SBF2: variants seen among roughly 807,000 people sequenced by gnomAD.
The protein encoded by SBF2 is SET binding factor 2.
In SBF2, 112 loss-of-function variants were observed where a neutral mutation model predicts 225.2. The observed-to-expected ratio is 0.50, with a 90% CI of 0.43 to 0.58. SBF2 has a LOEUF of 0.58. Among genes scored for constraint, SBF2 ranks in the 20% least tolerant of loss-of-function variants. The probability of loss-of-function intolerance (pLI) is 0.00; values close to 1 mark genes in which losing one functional copy is unlikely to be tolerated. For synonymous variants in SBF2, 763 were observed against 773.3 expected, an observed-to-expected ratio of 0.99 and a Z score of 0.22; for missense variants, 1,996 against 2,206.2, an observed-to-expected ratio of 0.90 and a Z score of 1.91.
chr11:10,299,264 G>A (rs1186037014), intron 1 of SBF2, among the ~76,000 whole-genome samples: 3 of 151,224 alleles, frequency 2.0e-5, no homozygotes, highest in African/African-American at 7.3e-5. Flanking sequence ...CGTGAACCCA[G>A]GAGGCAGAGC....
chr11:10,065,420 C>G (rs1057082963), intron 2 of SBF2, among the ~76,000 whole-genome samples: 1 of 151,476 alleles, frequency 6.6e-6, no homozygotes, highest in African/African-American at 2.4e-5. Flanking sequence ...AAACAGAAAT[C>G]AATAAAATAA....
intron 2 of SBF2, among the ~76,000 whole-genome samples, chr11:10,076,098 T>C (rs1320075421): frequency 6.6e-6 from 1 of 152,190 alleles, no homozygotes; most frequent in Non-Finnish European, 1.5e-5. Flanking sequence ...TGTGGATCTG[T>C]GGTGGAAAAC....
chr11:10,217,510 T>G (rs1050750856), intron 1 of SBF2, among the ~76,000 whole-genome samples: 2 of 152,210 alleles, frequency 1.3e-5, no homozygotes, highest in Admixed American at 1.3e-4. Flanking sequence ...ATTACATACT[T>G]AAGACAATAA....
intron 2 of SBF2, among the ~76,000 whole-genome samples, chr11:10,097,544 G>A (rs1952078617): frequency 6.6e-6 from 1 of 152,030 alleles, no homozygotes; most frequent in Non-Finnish European, 1.5e-5. Context: ...AAGCTTATTA[G>A]AAAGGAAATC....
At chr11:9,992,378 G>T in intron 12 of SBF2, 37 bp downstream of exon 12, 2 of 1,567,792 alleles carry the variant, frequency 1.3e-6, no homozygotes, top group Non-Finnish European at 1.7e-6. Flanking sequence ...GTCTAATTAT[G>T]TCTATAAATA....
intron 13 of SBF2, among the ~76,000 whole-genome samples, chr11:9,988,336 G>GA (rs1463835958): frequency 3.9e-5 from 6 of 152,114 alleles, no homozygotes. Flanking sequence ...AACCCTTCTA[G>GA]ACATTGGCTT....
intron 17 of SBF2, among the ~76,000 whole-genome samples, chr11:9,862,866 A>C (rs915796431): frequency 6.6e-6 from 1 of 152,190 alleles, no homozygotes; most frequent in African/African-American, 2.4e-5. Flanking sequence ...TAATCTTTTA[A>C]TATTGCACAA....
rs999303533 is a variant in SBF2 at position 10,066,317 on chromosome 11, A to AATATCTAT, written c.142-23344_142-23337dup. Among the ~76,000 whole-genome samples the AATATCTAT allele has an allele frequency of 1.7e-3, 261 of 151,136 alleles. 2 individuals carry two copies. The highest frequency in any genetic ancestry group is 6.0e-3 in the African/African-American group (250 of 41,334). ...CATGAACACAGTTGTAAAAATACTA[A>AATATCTAT]ATATCTATATATCTATATATCTATA... On this transcript the variant is annotated intron_variant, in intron 2 of 39. Transcript: ENST00000256190.
At chr11:9,920,783 T>C (rs1367781229) in intron 16 of SBF2, among the ~76,000 whole-genome samples, 3 of 152,120 alleles carry the variant, frequency 2.0e-5, no homozygotes, top group Non-Finnish European at 2.9e-5. Context: ...TGTACCGTTA[T>C]TTCAGAATGT....
chr11:10,104,968 T>C (rs1383673672), intron 2 of SBF2, among the ~76,000 whole-genome samples: 3 of 152,260 alleles, frequency 2.0e-5, no homozygotes, highest in African/African-American at 7.2e-5. Flanking sequence ...TGATCTATTT[T>C]ATATATTGCT....
chr11:10,117,761 C>T (rs2135038431), intron 2 of SBF2, among the ~76,000 whole-genome samples: 1 of 150,420 alleles, frequency 6.6e-6, no homozygotes, highest in Middle Eastern at 3.5e-3. Context: ...GGTGCTATTT[C>T]CATGTTGTTG....
At chr11:9,862,800 A>G (rs974309133) in intron 17 of SBF2, among the ~76,000 whole-genome samples, 1 of 152,084 alleles carries the variant, frequency 6.6e-6, no homozygotes, top group African/African-American at 2.4e-5. Context: ...TCTGGTTTGA[A>G]GAAAAACTTT....
chr11:9,831,980 A>C (rs755648111), intron 27 of SBF2, among the ~76,000 whole-genome samples: 14 of 152,236 alleles, frequency 9.2e-5, no homozygotes, highest in Non-Finnish European at 1.8e-4. Context: ...AGACTTTATT[A>C]TATTAATTTC....
chr11:10,012,636 T>A (rs1948500253), intron 6 of SBF2, among the ~76,000 whole-genome samples: 1 of 152,236 alleles, frequency 6.6e-6, no homozygotes, highest in South Asian at 2.1e-4. Flanking sequence ...AAATCCAGTA[T>A]GTGCGCTCAA....
At chr11:10,057,178 A>G (rs145587736) in intron 2 of SBF2, among the ~76,000 whole-genome samples, 9 of 152,212 alleles carry the variant, frequency 5.9e-5, no homozygotes, top group Admixed American at 4.6e-4. Flanking sequence ...TAGCAGCCCT[A>G]TGGAAAAGTG....
Position 10,272,073 on chromosome 11 carries a change from T to C in SBF2, c.55+21942A>G, listed in dbSNP as rs1962526119. The C allele has an allele frequency of 2.6e-6, 3 of 1,142,256 alleles. 1 individual carries two copies. The highest frequency in any genetic ancestry group is 1.6e-5 in the African/African-American group (1 of 63,580). The allele number at this position is 1,142,256 out of a possible 1,614,324, so 70.8% of individuals were successfully genotyped here. On this transcript the variant is annotated intron_variant, in intron 1 of 39. Transcript: ENST00000256190. ...AGTCTTCAGAGTAAAGCACAGGATC[T>C]AGGCTCCCGGAAGGGGTTACTTCCA...
chr11:10,085,534 T>C (rs1228854120), intron 2 of SBF2, among the ~76,000 whole-genome samples: 1 of 152,208 alleles, frequency 6.6e-6, no homozygotes, highest in Non-Finnish European at 1.5e-5. Context: ...CTGCTTTTGT[T>C]TTTATCATTT....
At chr11:9,879,596 A>G (rs1859566609) in intron 17 of SBF2, among the ~76,000 whole-genome samples, 1 of 152,212 alleles carries the variant, frequency 6.6e-6, no homozygotes, top group African/African-American at 2.4e-5. Context: ...GTCAATGTAT[A>G]TCCAGTGACT....
intron 15 of SBF2, among the ~76,000 whole-genome samples, chr11:9,963,529 T>C (rs1464607325): frequency 6.6e-6 from 1 of 152,188 alleles, no homozygotes; most frequent in Non-Finnish European, 1.5e-5. Flanking sequence ...TAGTGTTTTG[T>C]GAACAATGTT....
Sources: allele counts gnomAD v4.1 joint callset (sites outside exome capture counted in the v4.1 genomes callset), GRCh38; gene constraint gnomAD v4.1.1; transcripts MANE v1.5; gene names NCBI Gene and HGNC (gene_info 2026-07-23, HGNC 2026-07-21).